Variants in CDH18 observed in about 807,000 individuals in gnomAD.
CDH18 encodes the protein cadherin 18.
Under a neutral mutation model 67.9 loss-of-function variants are expected in CDH18, and 31 were observed. The ratio of observed to expected loss-of-function variants is 0.46; its 90% CI spans 0.34 to 0.62. The LOEUF (loss-of-function observed/expected upper bound fraction) is 0.62, where lower values mean the gene tolerates loss of function less well. Among genes scored for constraint, CDH18 ranks in the 20% least tolerant of loss-of-function variants. The probability of loss-of-function intolerance (pLI) is 0.01; values close to 1 mark genes in which losing one functional copy is unlikely to be tolerated. For missense variants in CDH18, 890 were observed against 975.5 expected (o/e 0.91, Z 1.17); for synonymous variants, 362 against 347.2 (o/e 1.04, Z -0.48).
intron 8 of CDH18, among the ~76,000 whole-genome samples, chr5:19,554,533 A>G (rs1029787570): frequency 6.6e-6 from 1 of 151,944 alleles, no homozygotes; most frequent in Non-Finnish European, 1.5e-5. Flanking sequence ...CTGGGCAAGA[A>G]GAGCATAACT....
At chr5:19,542,691 T>C (rs376358294) in intron 9 of CDH18, among the ~76,000 whole-genome samples, 1 of 152,268 alleles carries the variant, frequency 6.6e-6, no homozygotes, top group East Asian at 1.9e-4. Context: ...TTATTTTATA[T>C]AGCAAAGCAA....
At position 19,612,545 on chromosome 5, in the gene CDH18, C is replaced by G. The variant is rs368942671; in HGVS notation, c.700G>C (p.Val234Leu). The G allele has an allele frequency of 1.2e-6, 2 of 1,613,790 alleles. No homozygotes were observed. Among genetic ancestry groups the G allele is most frequent in the African/African-American group, 2.7e-5 (2 of 74,894 alleles). ...MDREAREHYS[V>L]VIQAKDMAGQ... ...GCCATGTCTTTGGCTTGAATGACTA[C>G]GGAGTAATGTTCTCTGGCTTCTCTG... Residue 234 changes from valine to leucine, a missense_variant, in exon 6 of 13, where the codon GTA becomes CTA. By Grantham distance (32) the Val-to-Leu change is conservative. Around this residue, in one of 2 missense-constraint regions of CDH18, gnomAD observed 234 missense variants for 307.4 expected, o/e 0.76. Transcript: ENST00000382275.
At chr5:19,931,955 CTCTT>C (rs1479448016) in intron 2 of CDH18, among the ~76,000 whole-genome samples, 2 of 151,792 alleles carry the variant, frequency 1.3e-5, no homozygotes, top group African/African-American at 4.8e-5. Context: ...TATGCCACCT[CTCTT>C]TATCTTTAAG....
At chr5:19,584,596 A>G (rs1342601962) in intron 7 of CDH18, among the ~76,000 whole-genome samples, 1 of 151,964 alleles carries the variant, frequency 6.6e-6, no homozygotes, top group East Asian at 1.9e-4. Flanking sequence ...AGTATCAAAA[A>G]ATTACGTGAA....
intron 2 of CDH18, among the ~76,000 whole-genome samples, chr5:20,216,210 G>A (rs1041054452): frequency 6.6e-6 from 1 of 151,816 alleles, no homozygotes; most frequent in Non-Finnish European, 1.5e-5. Flanking sequence ...ATACTGAAAA[G>A]GTTAAAAGTA....
chr5:20,543,368 T>C (rs1757162063), intron 1 of CDH18, among the ~76,000 whole-genome samples: 1 of 152,116 alleles, frequency 6.6e-6, no homozygotes, highest in East Asian at 1.9e-4. Flanking sequence ...TTTTGTTTCA[T>C]ATTAGTTATA....
chr5:19,687,073 C>T, intron 5 of CDH18, among the ~76,000 whole-genome samples: 1 of 152,122 alleles, frequency 6.6e-6, no homozygotes, highest in East Asian at 1.9e-4. Flanking sequence ...GAAAGGGAAG[C>T]AAAGCAACTA....
At chr5:19,595,548 T>C (rs1022506388) in intron 6 of CDH18, among the ~76,000 whole-genome samples, 19 of 152,228 alleles carry the variant, frequency 1.2e-4, no homozygotes, top group African/African-American at 4.6e-4. Context: ...CGCTTGAACC[T>C]GGGAGGCAGA....
intron 6 of CDH18, among the ~76,000 whole-genome samples, chr5:19,596,706 A>T (rs951049874): frequency 6.6e-6 from 1 of 152,244 alleles, no homozygotes; most frequent in East Asian, 1.9e-4. Flanking sequence ...AATATGAAAC[A>T]GATTCCTGGT....
At chr5:19,949,328 A>G (rs1795570851) in intron 2 of CDH18, among the ~76,000 whole-genome samples, 1 of 152,132 alleles carries the variant, frequency 6.6e-6, no homozygotes, top group Non-Finnish European at 1.5e-5. Flanking sequence ...TATAAGACAG[A>G]TTAGGGTTCA....
intron 3 of CDH18, among the ~76,000 whole-genome samples, chr5:19,783,784 T>C (rs559552856): frequency 6.6e-6 from 1 of 152,160 alleles, no homozygotes; most frequent in Non-Finnish European, 1.5e-5. Context: ...AACTATTAAT[T>C]CTCATTTATA....
At chr5:19,884,619 T>C (rs1222843067) in intron 2 of CDH18, among the ~76,000 whole-genome samples, 1 of 151,944 alleles carries the variant, frequency 6.6e-6, no homozygotes, top group Non-Finnish European at 1.5e-5. Context: ...ATAATATAAA[T>C]GTTTTACATA....
chr5:20,317,379 A>T (rs1406186719), intron 1 of CDH18, among the ~76,000 whole-genome samples: 2 of 152,134 alleles, frequency 1.3e-5, no homozygotes, highest in Non-Finnish European at 2.9e-5. Flanking sequence ...ATTAGAGGAT[A>T]AATCTTTATT....
intron 1 of CDH18, among the ~76,000 whole-genome samples, chr5:20,443,016 C>T (rs1198274169): frequency 3.3e-5 from 5 of 150,296 alleles, no homozygotes; most frequent in East Asian, 2.0e-4. Context: ...GAGACCATCC[C>T]GGCTAAAACG....
chr5:20,217,006 C>CAT (rs1296952438), intron 2 of CDH18, among the ~76,000 whole-genome samples: 3 of 151,586 alleles, frequency 2.0e-5, no homozygotes, highest in Admixed American at 6.6e-5. Flanking sequence ...AAGGAAAATA[C>CAT]ATATATATAA....
intron 2 of CDH18, among the ~76,000 whole-genome samples, chr5:19,968,097 T>C (rs952958913): frequency 5.9e-5 from 9 of 151,274 alleles, no homozygotes; most frequent in African/African-American, 2.2e-4. Flanking sequence ...CACAATTGCT[T>C]CAAAGAGAAT....
In CDH18 at chr5:20,056,473, C is replaced by CTTTTTTTTTTTTTTTTTTTTTT. The variant is rs1561754004; in HGVS notation, c.-517-64460_-517-64459insAAAAAAAAAAAAAAAAAAAAAA. 1.5e-4 allele frequency among the ~76,000 whole-genome samples: 2 copies of CTTTTTTTTTTTTTTTTTTTTTT among 13,564 alleles called. 1 individual carries two copies. The highest frequency in any genetic ancestry group is 3.3e-4 in the Non-Finnish European group (2 of 6,134). The allele number at this position is 13,564 out of a possible 152,430, so 8.9% of individuals were successfully genotyped here. A position where few individuals can be genotyped will look rare whatever the true frequency, so the allele number is the denominator to read the frequency against. ...TTTATTATTTTTCTTTATTTTCTTT[C>CTTTTTTTTTTTTTTTTTTTTTT]TTTTGTTTTTTTTTTTTTTTTTTTT... On this transcript the variant is annotated intron_variant, in intron 2 of 14. Coordinates refer to the CDH18 transcript ENST00000507958.
At chr5:20,068,486 T>C (rs1043025650) in intron 2 of CDH18, among the ~76,000 whole-genome samples, 8 of 151,938 alleles carry the variant, frequency 5.3e-5, no homozygotes, top group Non-Finnish European at 1.2e-4. Context: ...GGGAGTAGGG[T>C]TTGGCTTTGT....
chr5:20,249,713 T>TA (rs911983200), intron 2 of CDH18, among the ~76,000 whole-genome samples: 8 of 152,158 alleles, frequency 5.3e-5, no homozygotes, highest in African/African-American at 1.9e-4. Flanking sequence ...TCTACTTCGC[T>TA]AAAAAAATTA....
Sources: gnomAD v4.1 joint callset for allele counts (sites outside exome capture counted in the v4.1 genomes callset) on GRCh38, gnomAD v4.1.1 for gene constraint, gnomAD v4.1.1 regional missense constraint, MANE v1.5 for transcripts, NCBI Gene and HGNC (gene_info 2026-07-23, HGNC 2026-07-21) for gene names.